Variants in PLEKHA6 observed in about 807,000 individuals in gnomAD.
PLEKHA6 encodes the protein pleckstrin homology domain containing A6.
A neutral mutation model predicts 116.7 loss-of-function variants in PLEKHA6; 60 were observed. The ratio of observed to expected loss-of-function variants is 0.51; its 90% CI spans 0.42 to 0.64. The LOEUF is 0.64. Ranked by LOEUF, PLEKHA6 falls within the 30% of genes least tolerant of loss-of-function variation. The pLI, the probability that PLEKHA6 is intolerant of heterozygous loss-of-function variation, is 0.00. For missense variants in PLEKHA6, 1,338 were observed against 1,422.7 expected (o/e 0.94, Z 0.96); for synonymous variants, 489 against 556.1 (o/e 0.88, Z 1.70).
chr1:204,241,609 G>C, intron 16 of PLEKHA6, 76 bp downstream of exon 16: 53 of 1,477,862 alleles, frequency 3.6e-5, no homozygotes, highest in Non-Finnish European at 4.7e-5. Context: ...ACCAGGTTTT[G>C]GGTGTGAATG....
At chr1:204,364,150 T>C (rs1393890383), upstream of PLEKHA6, among the ~76,000 whole-genome samples, 1 of 152,252 alleles carries the variant, frequency 6.6e-6, no homozygotes, top group Non-Finnish European at 1.5e-5. Flanking sequence ...CCTCCGGTTG[T>C]CTGGCTCTTA....
rs545767103 is a variant in PLEKHA6, at chr1:204,228,206, C to T, written c.2908G>A (p.Gly970Ser). Residue 970 changes from glycine (G) to serine (S), a missense_variant, in exon 21 of 23, where the codon GGC becomes AGC. Physicochemically the swap from Gly to Ser is moderately conservative, Grantham distance 56. Around this residue, in one of 3 missense-constraint regions of PLEKHA6, gnomAD observed 1,136 missense variants for 1,163.6 expected, o/e 0.98. Coordinates refer to ENST00000272203, the MANE Select transcript of PLEKHA6 (RefSeq NM_014935.5). The surrounding 1 kb of genome is among the most constrained non-coding windows in gnomAD (Gnocchi z 4.0). ...KSSMQNVVPI[G>S]EGDSVDVPQD... is the part of the protein sequence containing the mutation. ...GGCACGTCCACAGAGTCCCCCTCGCCGATGGGCACCACGTTCTGCATACTG... is the reference window on the plus strand; with the variant it reads ...GGCACGTCCACAGAGTCCCCCTCGCTGATGGGCACCACGTTCTGCATACTG... 72 of 1,609,552 alleles carry T rather than the reference C, an allele frequency of 4.5e-5. No homozygotes were observed. In the South Asian group the frequency reaches 5.0e-4, roughly 11 times the overall value.
chr1:204,326,350 T>C (rs1291028471), intron 1 of PLEKHA6, among the ~76,000 whole-genome samples: 2 of 152,218 alleles, frequency 1.3e-5, no homozygotes, highest in Non-Finnish European at 2.9e-5. Flanking sequence ...TCAAATGTTC[T>C]ATCAGTGCCC....
chr1:204,222,658 T>G lies in PLEKHA6; in HGVS notation c.*130A>C, dbSNP rs1659772884. 6.5e-6 allele frequency: 1 copy of G among 152,690 alleles called. No homozygotes were observed. The highest frequency in any genetic ancestry group is 6.5e-5 in the Admixed American group (1 of 15,286). The allele number at this position is 152,690 out of a possible 1,614,324, so 9.5% of individuals were successfully genotyped here. A position where few individuals can be genotyped will look rare whatever the true frequency, so the allele number is the denominator to read the frequency against. ...GGCCCCAGCCTGGCTCCCTGCGGCA[T>G]TCCCATGGGAGTGCAGGGGCAGGGG... On this transcript the variant is annotated 3_prime_UTR_variant, in exon 23 of 23. Coordinates refer to ENST00000272203, the MANE Select transcript of PLEKHA6 (RefSeq NM_014935.5).
intron 5 of PLEKHA6, 84 bp from the exon 6 acceptor site, chr1:204,265,126 TC>T (rs767197917): frequency 4.4e-6 from 4 of 900,568 alleles, no homozygotes; most frequent in Non-Finnish European, 3.7e-6. Context: ...GAGTGTGTTG[TC>T]CCTCCCTGAT....
chr1:204,240,670 T>C (rs1324142844), intron 17 of PLEKHA6, among the ~76,000 whole-genome samples: 1 of 152,206 alleles, frequency 6.6e-6, no homozygotes, highest in Admixed American at 6.5e-5. Flanking sequence ...TATGACCTTA[T>C]TATTGTCTTT....
chr1:204,242,133 C>T (rs1043676022), intron 15 of PLEKHA6, among the ~76,000 whole-genome samples: 4 of 152,042 alleles, frequency 2.6e-5, no homozygotes, highest in Admixed American at 6.6e-5. Context: ...AAGGAATGGC[C>T]GGTGGGGGGT....
intron 1 of PLEKHA6, among the ~76,000 whole-genome samples, chr1:204,306,448 AAAATGCCAATTCCTCCTCCCCC>A (rs1671315944): frequency 1.3e-5 from 2 of 152,122 alleles, no homozygotes; most frequent in South Asian, 4.2e-4. Context: ...GCTTTCAGGC[AAAATGCCAATTCCTCCTCCCCC>A]TCTTCCAAGG....
rs1157432328 is a variant in PLEKHA6, at chr1:204,358,620, G to A, written c.-95+1074C>T. On this transcript the variant is annotated intron_variant, in intron 1 of 22. Coordinates refer to ENST00000272203, the MANE Select transcript of PLEKHA6 (RefSeq NM_014935.5). ...GCAGAGTGCACCACTCAAGTGATCA[G>A]ATTGAGGGTAAAGGGTCTACAGGGC... Among the ~76,000 whole-genome samples, 95 of 152,294 alleles carry A rather than the reference G, an allele frequency of 6.2e-4. 1 individual carries two copies. Among genetic ancestry groups the A allele is most frequent in the Non-Finnish European group, 8.8e-5 (6 of 68,016 alleles).
At chr1:204,337,802 T>C (rs570211713) in intron 1 of PLEKHA6, among the ~76,000 whole-genome samples, 6 of 152,316 alleles carry the variant, frequency 3.9e-5, no homozygotes, top group Non-Finnish European at 7.3e-5. Context: ...AATAGTCATA[T>C]GTATGCTGGT....
upstream of PLEKHA6, chr1:204,377,830 G>GGTCCCTGGCAGTGTGC (rs1673899400): frequency 6.6e-6 from 1 of 152,670 alleles, no homozygotes; most frequent in Non-Finnish European, 1.5e-5. Context: ...TGGCAGTGTG[G>GGTCCCTGGCAGTGTGC]CTGGCCTCCC....
intron 1 of PLEKHA6, chr1:204,299,656 C>A (rs1572125429): frequency 1.0e-6 from 1 of 985,018 alleles, no homozygotes; most frequent in Non-Finnish European, 1.2e-6. Context: ...GGGTCTTCTA[C>A]TGTCTTAGGG....
At chr1:204,361,300 T>C (rs1446486257), upstream of PLEKHA6, among the ~76,000 whole-genome samples, 1 of 152,236 alleles carries the variant, frequency 6.6e-6, no homozygotes, top group Non-Finnish European at 1.5e-5. Flanking sequence ...ATATCATTTT[T>C]ACCAACTGAA....
At chr1:204,313,673 G>A (rs1050589551) in intron 1 of PLEKHA6, 6 of 985,096 alleles carry the variant, frequency 6.1e-6, no homozygotes, top group Middle Eastern at 5.2e-4. Context: ...TCCTCAGGTG[G>A]CTGTCTTTGA....
chr1:204,346,801 G>C, intron 1 of PLEKHA6: 1 of 1,182,246 alleles, frequency 8.5e-7, no homozygotes, highest in Non-Finnish European at 1.3e-6. Context: ...ATAGGGAATA[G>C]GTTCCAGCAG....
intron 1 of PLEKHA6, among the ~76,000 whole-genome samples, chr1:204,290,858 C>T (rs925241851): frequency 3.3e-5 from 5 of 151,886 alleles, no homozygotes; most frequent in Non-Finnish European, 2.9e-5. Context: ...GGCATGGTGG[C>T]GTGCACCTGT....
chr1:204,224,606 T>A (rs1018196722), intron 21 of PLEKHA6, among the ~76,000 whole-genome samples: 5 of 152,182 alleles, frequency 3.3e-5, no homozygotes, highest in Non-Finnish European at 5.9e-5. Context: ...ATAGAACACA[T>A]GTAGTTCTCG....
chr1:204,337,420 C>G (rs1349895629), intron 1 of PLEKHA6, among the ~76,000 whole-genome samples: 2 of 152,172 alleles, frequency 1.3e-5, no homozygotes, highest in South Asian at 2.1e-4. Context: ...CTAACTCACC[C>G]GGCGAGATGT....
intron 1 of PLEKHA6, chr1:204,280,366 T>G: frequency 1.0e-6 from 1 of 985,342 alleles, no homozygotes; most frequent in Non-Finnish European, 1.2e-6. Flanking sequence ...GCACACACAC[T>G]CCCAGGCTGG....
Sources: allele counts gnomAD v4.1 joint callset (sites outside exome capture counted in the v4.1 genomes callset), GRCh38; gene constraint gnomAD v4.1.1; regional missense constraint gnomAD v4.1.1; non-coding constraint Gnocchi (gnomAD v3.1); transcripts MANE v1.5; gene names NCBI Gene and HGNC (gene_info 2026-07-23, HGNC 2026-07-21).